The following GPR158 variants were observed in gnomAD, a reference collection of about 807,000 sequenced individuals.
GPR158 encodes G protein-coupled receptor 158.
GPR158 carries 30 observed loss-of-function variants against 78.2 expected under a neutral mutation model. That is an observed-to-expected ratio of 0.38 (90% CI 0.29 to 0.52). GPR158 has a LOEUF of 0.52. GPR158 is among the 20% of genes least tolerant of loss of function. The probability of loss-of-function intolerance (pLI) is 0.83; values close to 1 mark genes in which losing one functional copy is unlikely to be tolerated. For missense variants in GPR158, 1,463 were observed against 1,523.5 expected (o/e 0.96, Z 0.66); for synonymous variants, 581 against 591.1 (o/e 0.98, Z 0.25).
intron 5 of GPR158, among the ~76,000 whole-genome samples, chr10:25,508,735 A>G (rs1211828229): frequency 6.6e-6 from 1 of 152,088 alleles, no homozygotes; most frequent in East Asian, 1.9e-4. Context: ...TGTTTTGATA[A>G]TGTTTTTTAA....
intron 3 of GPR158, among the ~76,000 whole-genome samples, chr10:25,407,823 C>A (rs1264784567): frequency 6.6e-6 from 1 of 152,118 alleles, no homozygotes; most frequent in Non-Finnish European, 1.5e-5. Context: ...CACCACTATC[C>A]CTGCTCTTTC....
At chr10:25,427,785 T>A (rs1158064299) in intron 4 of GPR158, among the ~76,000 whole-genome samples, 1 of 152,116 alleles carries the variant, frequency 6.6e-6, no homozygotes, top group Non-Finnish European at 1.5e-5. Flanking sequence ...ATTTACATAT[T>A]TGTTCCACCC....
At chr10:25,266,962 T>A (rs1158056530) in intron 2 of GPR158, among the ~76,000 whole-genome samples, 1 of 152,200 alleles carries the variant, frequency 6.6e-6, no homozygotes, top group Non-Finnish European at 1.5e-5. Context: ...TGGATTAAAT[T>A]GTAATTGGCA....
intron 7 of GPR158, among the ~76,000 whole-genome samples, chr10:25,585,144 C>T (rs1217350982): frequency 3.9e-5 from 6 of 152,142 alleles, no homozygotes; most frequent in Admixed American, 6.5e-5. Context: ...ATGCCTGGAA[C>T]CCTTATGCAA....
intron 3 of GPR158, 97 bp downstream of exon 3, chr10:25,396,110 G>T: frequency 1.8e-6 from 1 of 565,240 alleles, no homozygotes; most frequent in East Asian, 3.1e-5. Context: ...TTATATGGTT[G>T]AATAATCATT....
At chr10:25,259,727 A>G (rs1853943355) in intron 2 of GPR158, among the ~76,000 whole-genome samples, 1 of 152,140 alleles carries the variant, frequency 6.6e-6, no homozygotes, top group Admixed American at 6.6e-5. Context: ...AACATATTGT[A>G]TCTCTGCTTT....
intron 2 of GPR158, among the ~76,000 whole-genome samples, chr10:25,245,406 G>T (rs1040284985): frequency 6.6e-6 from 1 of 152,048 alleles, no homozygotes; most frequent in African/African-American, 2.4e-5. Context: ...GTTCAGAGAA[G>T]AGGAAGAAAG....
At chr10:25,256,725 A>G (rs932649775) in intron 2 of GPR158, among the ~76,000 whole-genome samples, 1 of 152,186 alleles carries the variant, frequency 6.6e-6, no homozygotes, top group Non-Finnish European at 1.5e-5. Flanking sequence ...AAACAATAGT[A>G]TGCTTTAGTT....
chr10:25,286,489 T>C (rs1228230531), intron 2 of GPR158, among the ~76,000 whole-genome samples: 2 of 152,210 alleles, frequency 1.3e-5, no homozygotes, highest in Non-Finnish European at 2.9e-5. Flanking sequence ...TTACATGCTG[T>C]CTACCTTTTT....
chr10:25,312,884 C>G lies in GPR158; in HGVS notation c.1009-83027C>G, dbSNP rs888301779. ...CATTGCCTTGATTAATGCTAAGACG[C>G]CAGCAAAATTTTAACCCCCATATTT... On this transcript the variant is annotated intron_variant, in intron 2 of 10. Coordinates refer to ENST00000376351, the MANE Select transcript of GPR158 (RefSeq NM_020752.3). Among the ~76,000 whole-genome samples, 12 of 151,994 alleles carry G rather than the reference C, an allele frequency of 7.9e-5. No homozygotes were observed. The South Asian group carries it at 2.5e-3, about 32-fold the overall frequency.
intron 5 of GPR158, among the ~76,000 whole-genome samples, chr10:25,485,983 T>G (rs1443333950): frequency 6.6e-6 from 1 of 152,106 alleles, no homozygotes; most frequent in Non-Finnish European, 1.5e-5. Context: ...GACTCTTCAC[T>G]TTTTCCACCA....
intron 7 of GPR158, among the ~76,000 whole-genome samples, chr10:25,576,410 AC>A (rs1837097214): frequency 6.6e-6 from 1 of 152,176 alleles, no homozygotes; most frequent in African/African-American, 2.4e-5. Flanking sequence ...TTTTCATTGT[AC>A]TTTACTCCTC....
intron 2 of GPR158, among the ~76,000 whole-genome samples, chr10:25,340,648 G>A (rs536467264): frequency 3.1e-4 from 47 of 152,130 alleles, no homozygotes; most frequent in Admixed American, 1.2e-3. Flanking sequence ...TAGTGAATTA[G>A]AATTTGGGTC....
intron 1 of GPR158, among the ~76,000 whole-genome samples, chr10:25,220,181 C>T (rs1488591703): frequency 6.6e-6 from 1 of 152,034 alleles, no homozygotes; most frequent in Non-Finnish European, 1.5e-5. Context: ...AGCTTCAGGG[C>T]CCAGGATGCA....
chr10:25,479,839 C>T (rs1835640649), intron 5 of GPR158, among the ~76,000 whole-genome samples: 2 of 151,630 alleles, frequency 1.3e-5, no homozygotes, highest in Admixed American at 1.3e-4. Context: ...TATATTTCTC[C>T]TCTTCTTCGT....
At chr10:25,539,992 C>T (rs1231887517) in intron 5 of GPR158, among the ~76,000 whole-genome samples, 1 of 152,016 alleles carries the variant, frequency 6.6e-6, no homozygotes, top group Non-Finnish European at 1.5e-5. Flanking sequence ...AAGAAACTAC[C>T]ATCAGAGTGA....
intron 5 of GPR158, among the ~76,000 whole-genome samples, chr10:25,501,527 C>G (rs1436046313): frequency 6.6e-6 from 1 of 152,138 alleles, no homozygotes; most frequent in South Asian, 2.1e-4. Flanking sequence ...TTAGCTCTGC[C>G]TGGCAGATAG....
At chr10:25,233,143 T>C (rs907882243) in intron 2 of GPR158, among the ~76,000 whole-genome samples, 1 of 152,178 alleles carries the variant, frequency 6.6e-6, no homozygotes, top group African/African-American at 2.4e-5. Context: ...GGAGGAGGAT[T>C]TTGGTCCATG....
At chr10:25,183,259 CT>C (rs1852636170) in intron 1 of GPR158, among the ~76,000 whole-genome samples, 1 of 152,174 alleles carries the variant, frequency 6.6e-6, no homozygotes, top group African/African-American at 2.4e-5. Context: ...AGGATTAGTC[CT>C]CTTGGCTAAG....
Sources: allele counts gnomAD v4.1 joint callset (sites outside exome capture counted in the v4.1 genomes callset), GRCh38; gene constraint gnomAD v4.1.1; transcripts MANE v1.5; gene names NCBI Gene and HGNC (gene_info 2026-07-23, HGNC 2026-07-21).